TNFSF4: variants seen among roughly 807,000 people sequenced by gnomAD.
The protein encoded by TNFSF4 is tumor necrosis factor ligand superfamily member 4.
Under a neutral mutation model 7.3 loss-of-function variants are expected in TNFSF4, and 4 were observed. That is an observed-to-expected ratio of 0.55 (90% CI 0.27 to 1.25). The LOEUF (loss-of-function observed/expected upper bound fraction) is 1.25, where lower values mean the gene tolerates loss of function less well. Ranked by LOEUF, TNFSF4 falls within the 50% of genes most tolerant of loss-of-function variation. The pLI is 0.12. For missense variants in TNFSF4, 181 were observed against 208.8 expected (o/e 0.87, Z 0.82); for synonymous variants, 76 against 83.7 (o/e 0.91, Z 0.50).
chr1:173,271,441 A>G, the TNFSF4 span, among the ~76,000 whole-genome samples: 13 of 152,054 alleles, frequency 8.5e-5, no homozygotes, highest in Admixed American at 4.6e-4. Context: ...AGGTTTGTCA[A>G]AGATCAGCTG....
the TNFSF4 span, among the ~76,000 whole-genome samples, chr1:173,322,691 T>C: frequency 0.047 from 7,130 of 152,176 alleles, 544 homozygotes; most frequent in African/African-American, 0.16. Context: ...CCCACCCTAA[T>C]ACTGCACTTT....
the TNFSF4 span, among the ~76,000 whole-genome samples, chr1:173,344,866 A>G: frequency 4.6e-5 from 7 of 152,224 alleles, no homozygotes; most frequent in African/African-American, 1.7e-4. Flanking sequence ...ACAATCACTG[A>G]AGTATTTCCA....
chr1:173,420,921 CT>C, the TNFSF4 span, among the ~76,000 whole-genome samples: 1 of 152,104 alleles, frequency 6.6e-6, no homozygotes, highest in African/African-American at 2.4e-5. Context: ...ATTTAAAGAC[CT>C]TTATTAATAA....
the TNFSF4 span, among the ~76,000 whole-genome samples, chr1:173,416,435 A>G: frequency 6.6e-6 from 1 of 151,944 alleles, no homozygotes; most frequent in African/African-American, 2.4e-5. Context: ...CAGAGGGCAG[A>G]GGAGAGGGAA....
the TNFSF4 span, among the ~76,000 whole-genome samples, chr1:173,320,640 T>G: frequency 6.6e-6 from 1 of 152,042 alleles, no homozygotes; most frequent in South Asian, 2.1e-4. Context: ...TCTCAGGATA[T>G]AAAAACAATG....
At chr1:173,382,458 GA>G in the TNFSF4 span, among the ~76,000 whole-genome samples, 4 of 152,208 alleles carry the variant, frequency 2.6e-5, no homozygotes, top group African/African-American at 9.6e-5. Flanking sequence ...CACATTAGGA[GA>G]AATACCTAAT....
At chr1:173,409,076 T>C in the TNFSF4 span, among the ~76,000 whole-genome samples, 3 of 152,248 alleles carry the variant, frequency 2.0e-5, no homozygotes, top group South Asian at 4.1e-4. Flanking sequence ...GAGAAGACCA[T>C]ACACAGCATC....
At chr1:173,304,657 T>C in the TNFSF4 span, among the ~76,000 whole-genome samples, 5 of 152,100 alleles carry the variant, frequency 3.3e-5, no homozygotes, top group East Asian at 1.9e-4. Flanking sequence ...GATGGCTTAA[T>C]TACATGGCTG....
At chr1:173,379,834 A>G in the TNFSF4 span, among the ~76,000 whole-genome samples, 1 of 152,192 alleles carries the variant, frequency 6.6e-6, no homozygotes, top group East Asian at 1.9e-4. Context: ...AGACTGTCCA[A>G]TGAGAAACAA....
rs1650232884 is a variant in TNFSF4 at position 173,207,188 on chromosome 1, G to T, written c.-12C>A. The T allele has an allele frequency of 1.9e-6, 3 of 1,598,974 alleles. No individual in the cohort carries two copies. Among genetic ancestry groups the T allele is most frequent in the Non-Finnish European group, 2.6e-6 (3 of 1,168,780 alleles). On this transcript the variant is annotated 5_prime_UTR_variant, in exon 1 of 3. Transcript: ENST00000281834. Reference sequence around the variant, plus strand: ...TGGACCCTTTCCATCTTCACAATCTGGGTAGAGGGAAGATGAAGATATGGA... The same window carrying T: ...TGGACCCTTTCCATCTTCACAATCTTGGTAGAGGGAAGATGAAGATATGGA...
At chr1:173,224,135 G>A in the TNFSF4 span, among the ~76,000 whole-genome samples, 4 of 152,308 alleles carry the variant, frequency 2.6e-5, no homozygotes, top group East Asian at 1.9e-4. Context: ...TTCAGAAAGG[G>A]AAGATCATAA....
intron 1 of TNFSF4, among the ~76,000 whole-genome samples, chr1:173,194,830 G>T (rs1490732468): frequency 6.6e-6 from 1 of 150,742 alleles, no homozygotes; most frequent in East Asian, 1.9e-4. Flanking sequence ...AGGAGATTGA[G>T]GCTGCAGGGA....
At chr1:173,436,780 T>C in the TNFSF4 span, among the ~76,000 whole-genome samples, 4 of 152,290 alleles carry the variant, frequency 2.6e-5, no homozygotes, top group East Asian at 5.8e-4. Context: ...TTGCAAATAC[T>C]GCCCTTAGAA....
At chr1:173,193,767 GCA>G (rs1491206224) in intron 1 of TNFSF4, among the ~76,000 whole-genome samples, 1 of 70,984 alleles carries the variant, frequency 1.4e-5, no homozygotes, top group African/African-American at 8.3e-5. Flanking sequence ...CATAAGTGAA[GCA>G]AAAAAAAAAA....
At chr1:173,349,280 G>A in the TNFSF4 span, among the ~76,000 whole-genome samples, 125 of 152,070 alleles carry the variant, frequency 8.2e-4, 1 homozygote, top group Non-Finnish European at 1.2e-3. Context: ...TGCCCGCCTC[G>A]GCCTCCCAAA....
chr1:173,422,616 C>T, the TNFSF4 span, among the ~76,000 whole-genome samples: 3 of 152,156 alleles, frequency 2.0e-5, no homozygotes, highest in East Asian at 5.8e-4. Flanking sequence ...CCAGTAACTG[C>T]TGACCAGGCT....
the TNFSF4 span, among the ~76,000 whole-genome samples, chr1:173,323,981 G>A: frequency 1.3e-5 from 2 of 152,166 alleles, no homozygotes; most frequent in African/African-American, 2.4e-5. Flanking sequence ...AGCAAGGCAG[G>A]CCAACATTCA....
the TNFSF4 span, among the ~76,000 whole-genome samples, chr1:173,446,100 A>C: frequency 6.6e-6 from 1 of 152,208 alleles, no homozygotes; most frequent in Non-Finnish European, 1.5e-5. Context: ...ACTAATTTGC[A>C]TGAAAAGTAC....
chr1:173,447,468 G>A, the TNFSF4 span, among the ~76,000 whole-genome samples: 4 of 152,182 alleles, frequency 2.6e-5, no homozygotes, highest in African/African-American at 7.2e-5. Context: ...GACAGTGTGG[G>A]AGGTTGTGCA....
Sources: gnomAD v4.1 joint callset for allele counts (sites outside exome capture counted in the v4.1 genomes callset) on GRCh38, gnomAD v4.1.1 for gene constraint, MANE v1.5 for transcripts, NCBI Gene and HGNC (gene_info 2026-07-23, HGNC 2026-07-21) for gene names.